The following BBS9 variants were observed in gnomAD, a reference collection of about 807,000 sequenced individuals.
BBS9 encodes the protein protein PTHB1.
Under a neutral mutation model 117.7 loss-of-function variants are expected in BBS9, and 89 were observed. That is an observed-to-expected ratio of 0.76 (90% confidence interval 0.64 to 0.90). The LOEUF (loss-of-function observed/expected upper bound fraction) is 0.90, where lower values mean the gene tolerates loss of function less well. BBS9 is among the 40% of genes least tolerant of loss of function. BBS9 has a pLI of 0.00. For missense variants in BBS9, 982 were observed against 1,042.2 expected (o/e 0.94, Z 0.80); for synonymous variants, 379 against 370.9 (o/e 1.02, Z -0.25).
intron 5 of BBS9, among the ~76,000 whole-genome samples, chr7:33,194,890 T>C (rs1172663304): frequency 6.6e-6 from 1 of 152,176 alleles, no homozygotes; most frequent in Non-Finnish European, 1.5e-5. Flanking sequence ...CTTCTATATG[T>C]TGTGGTATTG....
intron 5 of BBS9, among the ~76,000 whole-genome samples, chr7:33,216,236 A>G (rs1050398939): frequency 5.9e-5 from 9 of 152,248 alleles, no homozygotes; most frequent in African/African-American, 1.4e-4. Flanking sequence ...TCTGCTTTTA[A>G]TAAGGCTAAC....
chr7:33,319,479 C>T (rs1001082971), intron 9 of BBS9, among the ~76,000 whole-genome samples: 2 of 152,176 alleles, frequency 1.3e-5, no homozygotes, highest in African/African-American at 2.4e-5. Flanking sequence ...GCACTGGTTT[C>T]CACAGTGGTT....
At chr7:33,500,069 A>G (rs896131613) in intron 19 of BBS9, among the ~76,000 whole-genome samples, 1 of 152,242 alleles carries the variant, frequency 6.6e-6, no homozygotes, top group Non-Finnish European at 1.5e-5. Flanking sequence ...AAACCTTAGT[A>G]TGTTAACTTC....
At chr7:33,461,861 T>C (rs981180773) in intron 19 of BBS9, among the ~76,000 whole-genome samples, 2 of 152,076 alleles carry the variant, frequency 1.3e-5, no homozygotes, top group East Asian at 3.9e-4. Context: ...TGGACCCTTT[T>C]AACTTCACAT....
chr7:33,441,573 CTT>C (rs1172938681), intron 19 of BBS9, among the ~76,000 whole-genome samples: 1 of 152,038 alleles, frequency 6.6e-6, no homozygotes, highest in Non-Finnish European at 1.5e-5. Flanking sequence ...TTTCTGAGAT[CTT>C]GAGCATTCTG....
At chr7:33,390,500 A>G (rs1350344763) in intron 19 of BBS9, 1 of 974,198 alleles carries the variant, frequency 1.0e-6, no homozygotes, top group Non-Finnish European at 1.2e-6. Context: ...AAACATTTGA[A>G]GGAAAAATAT....
intron 9 of BBS9, among the ~76,000 whole-genome samples, chr7:33,297,671 G>A (rs1805550183): frequency 1.3e-5 from 2 of 152,102 alleles, no homozygotes; most frequent in South Asian, 2.1e-4. Context: ...CAATGCAGTG[G>A]ACTCCTGGAA....
chr7:33,335,032 T>C (rs1213517730), intron 9 of BBS9, among the ~76,000 whole-genome samples: 1 of 152,230 alleles, frequency 6.6e-6, no homozygotes, highest in Non-Finnish European at 1.5e-5. Context: ...GCAATGGTAG[T>C]ATCTACTCCC....
In BBS9 at chr7:33,630,365, C is replaced by G. The variant is rs150361624; in HGVS notation, c.2522-4812C>G. 1.1e-3 allele frequency among the ~76,000 whole-genome samples: 167 copies of G among 151,744 alleles called. 1 individual carries two copies. The highest frequency in any genetic ancestry group is 3.7e-3 in the African/African-American group (153 of 41,360). On this transcript the variant is annotated intron_variant, in intron 21 of 21. Transcript: ENST00000671952. ...CAAGTTCAAATTTTTTTTTTCAAAT[C>G]ACAGCATAATTGATTCTTCTGGGGA...
chr7:33,131,229 A>G (rs1423889076), intron 1 of BBS9, among the ~76,000 whole-genome samples: 1 of 152,054 alleles, frequency 6.6e-6, no homozygotes, highest in Non-Finnish European at 1.5e-5. Context: ...TCCTACTAGC[A>G]CTGTTTCTAC....
At chr7:33,583,218 C>G (rs912593374) in intron 21 of BBS9, among the ~76,000 whole-genome samples, 5 of 152,014 alleles carry the variant, frequency 3.3e-5, no homozygotes, top group African/African-American at 1.2e-4. Context: ...GTTTCCTCTC[C>G]CCTCTACCCT....
chr7:33,398,454 AC>A (rs1404308639), intron 19 of BBS9, among the ~76,000 whole-genome samples: 2 of 152,158 alleles, frequency 1.3e-5, no homozygotes, highest in African/African-American at 4.8e-5. Flanking sequence ...ACTCTGTCTG[AC>A]CCTTGCTAGT....
chr7:33,191,955 A>T lies in BBS9; in HGVS notation c.442+14364A>T, dbSNP rs75590666. On this transcript the variant is annotated intron_variant, in intron 5 of 22. Transcript: ENST00000242067. Reference sequence around the variant, plus strand: ...TTAAAACATATGTACCGGTAAAAAAAAAAAAAGTAAATGATTAAGCACCAC... The same window carrying T: ...TTAAAACATATGTACCGGTAAAAAATAAAAAAGTAAATGATTAAGCACCAC... Among the ~76,000 whole-genome samples the T allele has an allele frequency of 0.018, 2,722 of 152,218 alleles. 218 individuals are homozygous for T. The East Asian group carries it at 0.27, about 15-fold the overall frequency.
rs114143127 is a variant in BBS9 at position 33,371,874 on chromosome 7, C to T, written c.1789+4012C>T. 2.2e-3 allele frequency among the ~76,000 whole-genome samples: 331 copies of T among 152,228 alleles called. 3 individuals are homozygous for T. The highest frequency in any genetic ancestry group is 7.7e-3 in the African/African-American group (322 of 41,556). ...TTTTCCCTGGAAGTGATTTGTTTAT[C>T]AGCATCTAAGCAACTAAAAACAGGG... On this transcript the variant is annotated intron_variant, in intron 17 of 22. Transcript: ENST00000242067.
chr7:33,447,338 G>A (rs575112251), intron 19 of BBS9, among the ~76,000 whole-genome samples: 2 of 152,304 alleles, frequency 1.3e-5, no homozygotes, highest in South Asian at 4.2e-4. Flanking sequence ...ATAGATGTCA[G>A]AGGAAGACAG....
At chr7:33,170,076 G>C (rs1313600375) in intron 4 of BBS9, among the ~76,000 whole-genome samples, 1 of 151,796 alleles carries the variant, frequency 6.6e-6, no homozygotes, top group Non-Finnish European at 1.5e-5. Context: ...AATAGAAAAA[G>C]AGGGAATCCT....
chr7:33,261,350 C>T (rs1797954368), intron 6 of BBS9, among the ~76,000 whole-genome samples: 1 of 152,204 alleles, frequency 6.6e-6, no homozygotes, highest in Non-Finnish European at 1.5e-5. Context: ...GTGCCCAGCA[C>T]TGTACCTTGG....
intron 19 of BBS9, among the ~76,000 whole-genome samples, chr7:33,462,591 T>C (rs1373545252): frequency 6.6e-6 from 1 of 152,114 alleles, no homozygotes; most frequent in African/African-American, 2.4e-5. Flanking sequence ...CTAATGTATG[T>C]AGTTCACATT....
intron 9 of BBS9, among the ~76,000 whole-genome samples, chr7:33,332,452 G>A (rs1814295765): frequency 6.6e-6 from 1 of 152,214 alleles, no homozygotes; most frequent in African/African-American, 2.4e-5. Flanking sequence ...GCTGAGGCAG[G>A]TGGATCACGA....
Sources: gnomAD v4.1 joint callset for allele counts (sites outside exome capture counted in the v4.1 genomes callset) on GRCh38, gnomAD v4.1.1 for gene constraint, MANE v1.5 for transcripts, NCBI Gene and HGNC (gene_info 2026-07-23, HGNC 2026-07-21) for gene names.